ANKRD30BL: variants seen among roughly 807,000 people sequenced by gnomAD.
ANKRD30BL encodes ankyrin repeat domain 30B like, also known as putative ankyrin repeat domain-containing protein 30B-like.
Under a neutral mutation model 18.4 loss-of-function variants are expected in ANKRD30BL, and 20 were observed. The observed-to-expected ratio is 1.09, with a 90% CI of 0.77 to 1.58. The LOEUF (loss-of-function observed/expected upper bound fraction) is 1.58, where lower values mean the gene tolerates loss of function less well. Ranked by LOEUF, ANKRD30BL falls within the 40% of genes most tolerant of loss-of-function variation. ANKRD30BL has a pLI of 0.00. For synonymous variants in ANKRD30BL, 72 were observed against 100.9 expected (o/e 0.71, Z 1.72); for missense variants, 224 against 268.6 (o/e 0.83, Z 1.16).
At chr2:132,253,531 G>A (rs545166178) in intron 1 of ANKRD30BL, among the ~76,000 whole-genome samples, 16 of 152,230 alleles carry the variant, frequency 1.1e-4, no homozygotes, top group South Asian at 1.0e-3. Context: ...CCCACAGAGC[G>A]GGGTACAGGC....
intron 1 of ANKRD30BL, among the ~76,000 whole-genome samples, chr2:132,252,763 G>A (rs1429032849): frequency 5.9e-5 from 9 of 151,414 alleles, no homozygotes; most frequent in Admixed American, 1.3e-4. Flanking sequence ...GTGAGACGAC[G>A]ACGGCATGGG....
At chr2:132,240,079 A>G (rs995309973) in intron 1 of ANKRD30BL, among the ~76,000 whole-genome samples, 3 of 151,772 alleles carry the variant, frequency 2.0e-5, no homozygotes, top group African/African-American at 7.3e-5. Flanking sequence ...CAGTTATGAA[A>G]CACTCTTTTA....
intron 1 of ANKRD30BL, among the ~76,000 whole-genome samples, chr2:132,234,864 C>G (rs1374740338): frequency 6.6e-6 from 1 of 152,136 alleles, no homozygotes; most frequent in Non-Finnish European, 1.5e-5. Context: ...GATACCAAAG[C>G]CAGGCAGAGA....
chr2:132,204,077 A>C (rs1266325262), intron 1 of ANKRD30BL, among the ~76,000 whole-genome samples: 1 of 152,262 alleles, frequency 6.6e-6, no homozygotes, highest in Non-Finnish European at 1.5e-5. Context: ...TTTAAATAAG[A>C]GAAGATATAA....
intron 1 of ANKRD30BL, among the ~76,000 whole-genome samples, chr2:132,245,949 G>A (rs1573889967): frequency 1.3e-5 from 2 of 151,818 alleles, no homozygotes; most frequent in Non-Finnish European, 2.9e-5. Context: ...GGTGAAAAAG[G>A]AAATATCTTC....
At chr2:132,217,548 G>A (rs571606412) in intron 1 of ANKRD30BL, among the ~76,000 whole-genome samples, 2 of 152,062 alleles carry the variant, frequency 1.3e-5, no homozygotes, top group Non-Finnish European at 2.9e-5. Context: ...TCTTTTAGTA[G>A]AATCTGCAAG....
intron 1 of ANKRD30BL, among the ~76,000 whole-genome samples, chr2:132,169,445 G>A (rs1208443744): frequency 8.5e-5 from 13 of 152,266 alleles, no homozygotes; most frequent in Admixed American, 2.0e-4. Flanking sequence ...TCAAGAGATC[G>A]AGACCATCAT....
intron 1 of ANKRD30BL, among the ~76,000 whole-genome samples, chr2:132,252,297 G>A (rs10181698): frequency 0.023 from 3,532 of 152,330 alleles, 126 homozygotes; most frequent in African/African-American, 0.081. Context: ...CATACTAAAC[G>A]GAGGTGGGGG....
chr2:132,180,303 A>G (rs1212843753), intron 1 of ANKRD30BL, among the ~76,000 whole-genome samples: 1 of 151,142 alleles, frequency 6.6e-6, no homozygotes. Flanking sequence ...TGCAGTATTT[A>G]GTACAGTAAC....
At chr2:132,252,254 T>A (rs1680669374) in intron 1 of ANKRD30BL, among the ~76,000 whole-genome samples, 2 of 152,228 alleles carry the variant, frequency 1.3e-5, no homozygotes, top group Admixed American at 1.3e-4. Context: ...TCTAGGGACA[T>A]GCTAGCTTTG....
intron 1 of ANKRD30BL, among the ~76,000 whole-genome samples, chr2:132,235,062 A>G (rs1464055329): frequency 6.6e-6 from 1 of 152,198 alleles, no homozygotes; most frequent in African/African-American, 2.4e-5. Flanking sequence ...AATCCAGCAT[A>G]TAAACAGAGC....
chr2:132,257,264 C>G (rs1381509030), intron 1 of ANKRD30BL, among the ~76,000 whole-genome samples: 6 of 152,258 alleles, frequency 3.9e-5, no homozygotes, highest in African/African-American at 1.4e-4. Flanking sequence ...CAACCCCGTG[C>G]CACGCAAACA....
intron 1 of ANKRD30BL, among the ~76,000 whole-genome samples, chr2:132,178,110 AG>A (rs1381037504): frequency 6.6e-6 from 1 of 152,236 alleles, no homozygotes; most frequent in African/African-American, 2.4e-5. Context: ...TGAATTCACC[AG>A]TAAGTTTAAG....
At chr2:132,179,617 C>T (rs1285476685) in intron 1 of ANKRD30BL, among the ~76,000 whole-genome samples, 15 of 152,032 alleles carry the variant, frequency 9.9e-5, no homozygotes, top group Non-Finnish European at 1.6e-4. Context: ...GAGGGTACTA[C>T]TTATTAAAAA....
chr2:132,181,016 G>A (rs1177948606), intron 1 of ANKRD30BL, among the ~76,000 whole-genome samples: 3 of 151,860 alleles, frequency 2.0e-5, no homozygotes, highest in Non-Finnish European at 4.4e-5. Flanking sequence ...GCGTGGTGGC[G>A]GGCTGTAGTC....
At chr2:132,221,184 G>T (rs1679665867) in intron 1 of ANKRD30BL, among the ~76,000 whole-genome samples, 1 of 144,274 alleles carries the variant, frequency 6.9e-6, no homozygotes, top group Admixed American at 6.7e-5. Flanking sequence ...CCATCCGCGA[G>T]GGAGGTGGGG....
rs1265573278 is a variant in ANKRD30BL at position 132,245,676 on chromosome 2, A to G, written n.441+11853T>C. Among the ~76,000 whole-genome samples, 20 of 152,400 alleles carry G rather than the reference A, an allele frequency of 1.3e-4. No individual in the cohort carries two copies. In the East Asian group the frequency reaches 3.9e-3, roughly 29 times the overall value. On this transcript the variant is annotated intron_variant and non_coding_transcript_variant, in intron 1 of 4. Transcript: ENST00000470729. ...GATTTCTGATGTGTGTACTCAACTC[A>G]CAGAGTTGAACTTTTCTTTTAATAG...
Position 132,222,095 on chromosome 2 carries a change from GC to G in ANKRD30BL, n.441+35433del, listed in dbSNP as rs1246800074. On this transcript the variant is annotated intron_variant and non_coding_transcript_variant, in intron 1 of 4. Transcript: ENST00000470729. ...GTCCGGGAGGGAGGTCGGGGGGTCA[GC>G]CCCCCACCCGGCCAGCCGCCCTATC... is the stretch of plus-strand genomic sequence containing the variant. 7.7e-4 allele frequency among the ~76,000 whole-genome samples: 112 copies of G among 145,742 alleles called. 2 individuals carry two copies. Among genetic ancestry groups the G allele is most frequent in the African/African-American group, 2.6e-3 (98 of 37,716 alleles).
In ANKRD30BL at chr2:132,197,580, A is replaced by G. The variant is rs570374046; in HGVS notation, n.442-40434T>C. Among the ~76,000 whole-genome samples, 738 of 151,882 alleles carry G rather than the reference A, an allele frequency of 4.9e-3. 3 individuals carry two copies. Among genetic ancestry groups the G allele is most frequent in the Non-Finnish European group, 8.0e-3 (544 of 67,888 alleles). ...ATCTTCTCTGGCTTAGTAAAAAAAAATTGAAAATCTTGAAATTATATATGT... is the reference window on the plus strand; with the variant it reads ...ATCTTCTCTGGCTTAGTAAAAAAAAGTTGAAAATCTTGAAATTATATATGT... On this transcript the variant is annotated intron_variant and non_coding_transcript_variant, in intron 1 of 4. Transcript: ENST00000470729.
Sources: allele counts gnomAD v4.1 joint callset (sites outside exome capture counted in the v4.1 genomes callset), GRCh38; gene constraint gnomAD v4.1.1; transcripts MANE v1.5; gene names NCBI Gene and HGNC (gene_info 2026-07-23, HGNC 2026-07-21).